The following ADAMTS2 variants were observed in gnomAD, a reference collection of about 807,000 sequenced individuals.
ADAMTS2 encodes ADAM metallopeptidase with thrombospondin type 1 motif 2.
A neutral mutation model predicts 123.0 loss-of-function variants in ADAMTS2; 50 were observed. The observed-to-expected ratio is 0.41, with a 90% CI of 0.32 to 0.51. The LOEUF (loss-of-function observed/expected upper bound fraction) is 0.51, where lower values mean the gene tolerates loss of function less well. Ranked by LOEUF, ADAMTS2 falls within the 20% of genes least tolerant of loss-of-function variation. The probability of loss-of-function intolerance (pLI) is 0.35; values close to 1 mark genes in which losing one functional copy is unlikely to be tolerated. For synonymous variants in ADAMTS2, 678 were observed against 695.4 expected, an observed-to-expected ratio of 0.98 and a Z score of 0.39; for missense variants, 1,494 against 1,705.2, an observed-to-expected ratio of 0.88 and a Z score of 2.18.
At chr5:179,287,329 G>A (rs1278900598) in intron 2 of ADAMTS2, among the ~76,000 whole-genome samples, 3 of 152,324 alleles carry the variant, frequency 2.0e-5, no homozygotes, top group Admixed American at 6.5e-5. Flanking sequence ...ATGGGGACAC[G>A]GGGCAGTGAG....
At chr5:179,289,506 A>G (rs895443645) in intron 2 of ADAMTS2, among the ~76,000 whole-genome samples, 2 of 152,220 alleles carry the variant, frequency 1.3e-5, no homozygotes, top group African/African-American at 4.8e-5. Flanking sequence ...GGAGGCTACA[A>G]TTAGTGAGCA....
chr5:179,344,050 AC>A lies in ADAMTS2; in HGVS notation c.250del (p.Val84TyrfsTer81). The A allele has an allele frequency of 6.2e-7, 1 of 1,612,178 alleles. No homozygotes were observed. ...VVSAATSRAGVRARRAAPVRT... is the reference protein window; with the variant it reads ...VVSAATSRAGXRARRAAPVRT... ...GACCGGGGCGGCCCTGCGGGCTCGT[AC>A]CCCTGCTCTGGACGTAGCTGCCGAC... On this transcript the variant is annotated frameshift_variant, in exon 2 of 22. Transcript: ENST00000251582. LOFTEE classifies it high-confidence loss of function.
rs1053558584 is a variant in ADAMTS2, at chr5:179,189,084, C to G, written c.892-7929G>C. Among the ~76,000 whole-genome samples the G allele has an allele frequency of 2.0e-5, 3 of 152,198 alleles. No homozygotes were observed. The highest frequency in any genetic ancestry group is 7.2e-5 in the African/African-American group (3 of 41,442). On this transcript the variant is annotated intron_variant, in intron 4 of 21. Transcript: ENST00000251582. This position sits in a 1 kb window ranked among gnomAD's most constrained non-coding sequence, Gnocchi z 4.2. ...CTGCTGCGTGACTTGGGGCCAGTTA[C>G]TTAACCTGTCTGGGCCTCAGTTTCT...
At chr5:179,298,831 T>G (rs1442256610) in intron 2 of ADAMTS2, among the ~76,000 whole-genome samples, 3 of 152,154 alleles carry the variant, frequency 2.0e-5, no homozygotes, top group Admixed American at 2.0e-4. Context: ...CTGAAAACAT[T>G]TGGATTATAC....
chr5:179,126,854 G>C (rs930547341), intron 17 of ADAMTS2, among the ~76,000 whole-genome samples: 28 of 152,128 alleles, frequency 1.8e-4, no homozygotes, highest in Admixed American at 1.6e-3. Flanking sequence ...GCGGTGGAGG[G>C]GCTCAGGCGA....
intron 2 of ADAMTS2, among the ~76,000 whole-genome samples, chr5:179,336,212 G>T (rs138191985): frequency 6.6e-6 from 1 of 152,186 alleles, no homozygotes; most frequent in African/African-American, 2.4e-5. Context: ...CACTTCCAAC[G>T]CAGTCCCTCA....
At chr5:179,218,758 C>A (rs976528578) in intron 3 of ADAMTS2, among the ~76,000 whole-genome samples, 2 of 152,176 alleles carry the variant, frequency 1.3e-5, no homozygotes, top group Admixed American at 6.5e-5. Flanking sequence ...GGCTGCCCCG[C>A]GGACAGATGG....
In ADAMTS2 at chr5:179,207,506, C is replaced by CCCCCCCCCCCAAAA; in HGVS notation, c.891+6_891+7insTTTTGGGGGGGGGG. 6.2e-7 allele frequency: 1 copy of CCCCCCCCCCCAAAA among 1,607,718 alleles called. No homozygotes were observed. The highest frequency in any genetic ancestry group is 1.3e-5 in the African/African-American group (1 of 74,876). On this transcript the variant is annotated splice_region_variant and intron_variant, in intron 4 of 21. Transcript: ENST00000251582. The stretch of plus-strand genomic sequence containing the variant: ...CCCCACCCTGCCCCCTCAGCCACCC[C>CCCCCCCCCCCAAAA]ACTCACAATGTTCATGAGTGTCAGC...
intron 2 of ADAMTS2, among the ~76,000 whole-genome samples, chr5:179,292,361 T>G (rs1490606893): frequency 6.6e-6 from 1 of 150,746 alleles, no homozygotes; most frequent in Non-Finnish European, 1.5e-5. Flanking sequence ...GAGATATAAA[T>G]ATGAAATTAG....
At chr5:179,325,470 C>T (rs1303616040) in intron 2 of ADAMTS2, among the ~76,000 whole-genome samples, 1 of 152,252 alleles carries the variant, frequency 6.6e-6, no homozygotes, top group African/African-American at 2.4e-5. Context: ...CTCTGGGGCC[C>T]ATCCTCTCCC....
chr5:179,143,788 T>C (rs1046631681), intron 10 of ADAMTS2, among the ~76,000 whole-genome samples: 2 of 152,262 alleles, frequency 1.3e-5, no homozygotes, highest in African/African-American at 4.8e-5. Context: ...GTCATTTTTC[T>C]TGATTTCATC....
chr5:179,201,492 A>C lies in ADAMTS2; in HGVS notation c.891+6021T>G, dbSNP rs529915080. On this transcript the variant is annotated intron_variant, in intron 4 of 21. Coordinates refer to ENST00000251582, the MANE Select transcript of ADAMTS2 (RefSeq NM_014244.5). ...ACAGGAATTTATGCTAATTTTACAT[A>C]GCAAAAAAAATGTCCCGGCACGGTG... Among the ~76,000 whole-genome samples, 18 of 152,262 alleles carry C rather than the reference A, an allele frequency of 1.2e-4. No homozygotes were observed. In the South Asian group the frequency reaches 3.5e-3, roughly 30 times the overall value.
chr5:179,238,979 G>C (rs900660924), intron 3 of ADAMTS2, among the ~76,000 whole-genome samples: 1 of 152,198 alleles, frequency 6.6e-6, no homozygotes, highest in African/African-American at 2.4e-5. Context: ...GGAAGGTGGT[G>C]GGGGAGGAAG....
chr5:179,298,831 T>C (rs1442256610), intron 2 of ADAMTS2, among the ~76,000 whole-genome samples: 1 of 152,154 alleles, frequency 6.6e-6, no homozygotes, highest in Non-Finnish European at 1.5e-5. Flanking sequence ...CTGAAAACAT[T>C]TGGATTATAC....
At chr5:179,254,899 C>T (rs1219038939) in intron 3 of ADAMTS2, among the ~76,000 whole-genome samples, 1 of 152,188 alleles carries the variant, frequency 6.6e-6, no homozygotes, top group Non-Finnish European at 1.5e-5. Flanking sequence ...ATACTCAGTG[C>T]CCAGCAGGGC....
At chr5:179,187,354 C>G (rs557983215) in intron 4 of ADAMTS2, among the ~76,000 whole-genome samples, 62 of 152,350 alleles carry the variant, frequency 4.1e-4, no homozygotes, top group Non-Finnish European at 6.6e-4. Context: ...TCCCTGTGCT[C>G]CAGCGGCTAG....
In ADAMTS2 at chr5:179,180,986, C is replaced by A; in HGVS notation, c.975+86G>T. On this transcript the variant is annotated intron_variant, in intron 5 of 21. Transcript: ENST00000251582. The surrounding 1 kb of genome is among the most constrained non-coding windows in gnomAD (Gnocchi z 4.6). ...GCAGGGTGGTTCTGGCAAACGCACA[C>A]ACTCTCCAAGGAGGCCCATGCCTCA... 6 of 1,062,644 alleles carry A rather than the reference C, an allele frequency of 5.6e-6. No individual in the cohort carries two copies. Among genetic ancestry groups the A allele is most frequent in the South Asian group, 3.8e-5 (3 of 79,208 alleles). The allele number at this position is 1,062,644 out of a possible 1,614,324, so 65.8% of individuals were successfully genotyped here.
intron 3 of ADAMTS2, among the ~76,000 whole-genome samples, chr5:179,257,634 G>A (rs1290104913): frequency 6.6e-6 from 1 of 152,206 alleles, no homozygotes; most frequent in African/African-American, 2.4e-5. Context: ...ACGACCGCAG[G>A]TTTCGCCTCA....
At chr5:179,252,371 T>C (rs141838478) in intron 3 of ADAMTS2, among the ~76,000 whole-genome samples, 2 of 152,298 alleles carry the variant, frequency 1.3e-5, no homozygotes, top group East Asian at 1.9e-4. Context: ...TTTGGATCAA[T>C]GTTGCCTTTT....
Sources: gnomAD v4.1 joint callset for allele counts (sites outside exome capture counted in the v4.1 genomes callset) on GRCh38, gnomAD v4.1.1 for gene constraint, Gnocchi (gnomAD v3.1) non-coding constraint, MANE v1.5 for transcripts, NCBI Gene and HGNC (gene_info 2026-07-23, HGNC 2026-07-21) for gene names.